The following AHI1 variants were observed in gnomAD, a reference collection of about 807,000 sequenced individuals.
AHI1 encodes the protein jouberin.
A neutral mutation model predicts 149.3 loss-of-function variants in AHI1; 123 were observed. The observed-to-expected ratio is 0.82, with a 90% CI of 0.71 to 0.96. AHI1 has a LOEUF of 0.96. Ranked by LOEUF, AHI1 falls within the 40% of genes least tolerant of loss-of-function variation. The probability of loss-of-function intolerance (pLI) is 0.00; values close to 1 mark genes in which losing one functional copy is unlikely to be tolerated. For synonymous variants in AHI1, 475 were observed against 459.8 expected, an observed-to-expected ratio of 1.03 and a Z score of -0.42; for missense variants, 1,439 against 1,422.7, an observed-to-expected ratio of 1.01 and a Z score of -0.18.
In AHI1 at chr6:135,431,243, A is replaced by G; in HGVS notation, c.2338T>C (p.Leu780=). The G allele has an allele frequency of 6.2e-7, 1 of 1,607,160 alleles. No homozygotes were observed. Among genetic ancestry groups the G allele is most frequent in the Admixed American group, 1.7e-5 (1 of 59,616 alleles). The change falls in exon 17 of 29, where the codon TTG becomes CTG. Residue 780 remains leucine (L), a synonymous_variant. Transcript: ENST00000265602. ...GTCCAGTGGTGCACTGAATGTTCCA[A>G]ATCATTAATCTTGACATAGGTATTC... ...VWNTYVKIND[L]EHSVHHWTIN...
At chr6:135,402,625 C>T (rs1376472218) in intron 22 of AHI1, among the ~76,000 whole-genome samples, 1 of 152,012 alleles carries the variant, frequency 6.6e-6, no homozygotes, top group Non-Finnish European at 1.5e-5. Context: ...ACCTCTTCTG[C>T]CTCTGCCCCC....
intron 5 of AHI1, among the ~76,000 whole-genome samples, chr6:135,476,874 T>G (rs915843035): frequency 6.6e-6 from 1 of 152,178 alleles, no homozygotes; most frequent in African/African-American, 2.4e-5. Context: ...AAAGCAAGTT[T>G]CTTATAGTCA....
chr6:135,292,140 A>G (rs1782440983), intron 27 of AHI1, among the ~76,000 whole-genome samples: 3 of 152,064 alleles, frequency 2.0e-5, no homozygotes. Flanking sequence ...ACACATACAC[A>G]AACACACACA....
intron 21 of AHI1, among the ~76,000 whole-genome samples, chr6:135,410,006 A>G (rs1468353366): frequency 1.3e-5 from 2 of 152,196 alleles, no homozygotes; most frequent in African/African-American, 4.8e-5. Context: ...ACTATGTATC[A>G]GACACCCTGT....
chr6:135,409,259 A>AC (rs1781242471), intron 21 of AHI1, among the ~76,000 whole-genome samples: 1 of 152,150 alleles, frequency 6.6e-6, no homozygotes, highest in African/African-American at 2.4e-5. Flanking sequence ...ATATACACAC[A>AC]AATATACACA....
intron 7 of AHI1, 127 bp downstream of exon 7, chr6:135,465,687 T>C: frequency 1.3e-6 from 1 of 741,672 alleles, no homozygotes; most frequent in South Asian, 3.3e-5. Context: ...GCTGTTCTTA[T>C]CTTAGTGACA....
chr6:135,400,496 A>T (rs1228228647), intron 22 of AHI1, among the ~76,000 whole-genome samples: 2 of 152,110 alleles, frequency 1.3e-5, no homozygotes, highest in African/African-American at 4.8e-5. Context: ...TGGCTTCAAG[A>T]AGCTTACAGA....
chr6:135,457,237 T>C (rs1370205095), intron 9 of AHI1, among the ~76,000 whole-genome samples: 1 of 152,182 alleles, frequency 6.6e-6, no homozygotes, highest in East Asian at 1.9e-4. Flanking sequence ...TGAGCCAAGA[T>C]TGAGCACTGC....
At chr6:135,369,890 G>A (rs1010165771) in intron 23 of AHI1, among the ~76,000 whole-genome samples, 3 of 152,024 alleles carry the variant, frequency 2.0e-5, no homozygotes, top group African/African-American at 7.3e-5. Context: ...TGGAAATCCT[G>A]ACTTCCATGA....
At chr6:135,485,482 C>A (rs1202378758) in intron 5 of AHI1, among the ~76,000 whole-genome samples, 1 of 152,174 alleles carries the variant, frequency 6.6e-6, no homozygotes, top group Non-Finnish European at 1.5e-5. Flanking sequence ...GAAACCATTA[C>A]AATTGGATTA....
At chr6:135,427,583 A>T (rs1562743123) in intron 19 of AHI1, among the ~76,000 whole-genome samples, 1 of 151,642 alleles carries the variant, frequency 6.6e-6, no homozygotes, top group Non-Finnish European at 1.5e-5. Context: ...GGAAGTAGAG[A>T]GGTATATGAC....
intron 26 of AHI1, among the ~76,000 whole-genome samples, chr6:135,304,021 G>T (rs983402748): frequency 3.0e-4 from 46 of 152,318 alleles, no homozygotes; most frequent in African/African-American, 1.1e-3. Context: ...ATGTATGTAT[G>T]TATATATTTG....
At chr6:135,312,478 T>A (rs1294269856) in intron 26 of AHI1, among the ~76,000 whole-genome samples, 2 of 152,124 alleles carry the variant, frequency 1.3e-5, no homozygotes, top group South Asian at 2.1e-4. Flanking sequence ...CTCACCACTG[T>A]ACTTCAGCTT....
chr6:135,360,399 A>AT (rs1793677402), intron 23 of AHI1, among the ~76,000 whole-genome samples: 1 of 152,180 alleles, frequency 6.6e-6, no homozygotes, highest in African/African-American at 2.4e-5. Flanking sequence ...CAATCAGATG[A>AT]AGGCCTTAAG....
chr6:135,392,310 A>T (rs1018666350), intron 23 of AHI1, among the ~76,000 whole-genome samples: 15 of 152,338 alleles, frequency 9.8e-5, no homozygotes, highest in Middle Eastern at 3.4e-3. Flanking sequence ...ATCAAAGAAG[A>T]GAGAAATGCT....
At chr6:135,316,542 T>C (rs552851735) in intron 26 of AHI1, among the ~76,000 whole-genome samples, 2 of 152,292 alleles carry the variant, frequency 1.3e-5, no homozygotes, top group Admixed American at 6.5e-5. Flanking sequence ...TGAACCTCTC[T>C]ACCTCTTCTG....
intron 10 of AHI1, among the ~76,000 whole-genome samples, chr6:135,454,413 T>C (rs1263933079): frequency 6.6e-6 from 1 of 152,148 alleles, no homozygotes; most frequent in Non-Finnish European, 1.5e-5. Flanking sequence ...TAACAAAAAT[T>C]ATAACTTATT....
intron 23 of AHI1, among the ~76,000 whole-genome samples, chr6:135,369,363 G>A (rs113785136): frequency 0.012 from 1,800 of 152,318 alleles, 35 homozygotes; most frequent in African/African-American, 0.04. Context: ...AAAGTTCACA[G>A]TGTGATTCTC....
At chr6:135,420,382 T>C (rs924072234) in intron 20 of AHI1, among the ~76,000 whole-genome samples, 2 of 152,182 alleles carry the variant, frequency 1.3e-5, no homozygotes, top group Non-Finnish European at 2.9e-5. Context: ...CCTTGATCCA[T>C]GTCTTCTCCT....
Sources: allele counts gnomAD v4.1 joint callset (sites outside exome capture counted in the v4.1 genomes callset), GRCh38; gene constraint gnomAD v4.1.1; transcripts MANE v1.5; gene names NCBI Gene and HGNC (gene_info 2026-07-23, HGNC 2026-07-21).